ARIH1: variants seen among roughly 807,000 people sequenced by gnomAD.
ARIH1 encodes the protein E3 ubiquitin-protein ligase ARIH1.
ARIH1 carries 8 observed loss-of-function variants against 85.0 expected under a neutral mutation model. The ratio of observed to expected loss-of-function variants is 0.09; its 90% CI spans 0.06 to 0.17. The LOEUF (loss-of-function observed/expected upper bound fraction) is 0.17. Among genes scored for constraint, ARIH1 ranks in the 10% least tolerant of loss-of-function variants. The probability of loss-of-function intolerance (pLI) is 1.00; values close to 1 mark genes in which losing one functional copy is unlikely to be tolerated. For synonymous variants in ARIH1, 238 were observed against 253.6 expected (o/e 0.94, Z 0.59); for missense variants, 311 against 718.1 (o/e 0.43, Z 6.48).
chr15:72,575,911 A>G (rs966721596), intron 11 of ARIH1, among the ~76,000 whole-genome samples: 3 of 152,118 alleles, frequency 2.0e-5, no homozygotes, highest in African/African-American at 4.8e-5. Context: ...TGGCATGATC[A>G]TAGCTCACTG....
rs1029168941 is a variant in ARIH1 at position 72,542,131 on chromosome 15, A to G, written c.444-2689A>G. On this transcript the variant is annotated intron_variant, in intron 2 of 13. Transcript: ENST00000379887. Reference sequence around the variant, plus strand: ...CTCCTTATTACGCAAAAATAAATCAACAGTTTTAATGGAAACAATTTAAAG... The same window carrying G: ...CTCCTTATTACGCAAAAATAAATCAGCAGTTTTAATGGAAACAATTTAAAG... 3.3e-5 allele frequency among the ~76,000 whole-genome samples: 5 copies of G among 152,234 alleles called. 1 individual carries two copies. The South Asian group carries it at 6.2e-4, about 19-fold the overall frequency.
rs2064197294 is a variant in ARIH1, at chr15:72,561,472, C to G, written c.738-11C>G. On this transcript the variant is annotated splice_polypyrimidine_tract_variant and intron_variant, in intron 5 of 13. Coordinates refer to ENST00000379887, the MANE Select transcript of ARIH1 (RefSeq NM_005744.5). ...GGAAACTTTCTAATCTATTTTTATT[C>G]TTGGTTTCAGGCGCCTGATCACAGA... 1.3e-6 allele frequency: 2 copies of G among 1,567,660 alleles called. No individual in the cohort carries two copies. The highest frequency in any genetic ancestry group is 2.7e-5 in the African/African-American group (2 of 73,190).
At chr15:72,487,707 A>C (rs1313919139) in intron 1 of ARIH1, among the ~76,000 whole-genome samples, 1 of 151,926 alleles carries the variant, frequency 6.6e-6, no homozygotes, top group South Asian at 2.1e-4. Context: ...CCTTTTTACT[A>C]ACTAATCCTA....
Position 72,592,011 on chromosome 15 carries a change from G to A in ARIH1, c.*8719G>A, listed in dbSNP as rs563824610. On this transcript the variant is annotated 3_prime_UTR_variant, in exon 14 of 14. Transcript: ENST00000379887. ...AGTACTAATTTGGAGTGTTGTAAAGGTCAGGGCAGCAAATGCTAGAGAGTG... is the reference window on the plus strand; with the variant it reads ...AGTACTAATTTGGAGTGTTGTAAAGATCAGGGCAGCAAATGCTAGAGAGTG... The A allele has an allele frequency of 4.6e-5, 7 of 152,334 alleles. No homozygotes were observed. The South Asian group carries it at 1.2e-3, about 27-fold the overall frequency. 9.4% of individuals were successfully genotyped at this position (152,334 alleles called of 1,614,324 possible).
intron 5 of ARIH1, among the ~76,000 whole-genome samples, chr15:72,559,273 T>G (rs2064187686): frequency 6.6e-6 from 1 of 152,114 alleles, no homozygotes; most frequent in Admixed American, 6.5e-5. Context: ...TTTTTTTGTT[T>G]TTTGTTTTTT....
intron 1 of ARIH1, among the ~76,000 whole-genome samples, chr15:72,496,335 G>A (rs986246135): frequency 6.6e-6 from 1 of 152,182 alleles, no homozygotes; most frequent in African/African-American, 2.4e-5. Context: ...ATAAAGGCAG[G>A]AATGTAGAAT....
At chr15:72,504,823 A>G (rs1351038881) in intron 1 of ARIH1, among the ~76,000 whole-genome samples, 1 of 152,158 alleles carries the variant, frequency 6.6e-6, no homozygotes, top group Non-Finnish European at 1.5e-5. Flanking sequence ...TCCTGCCTCT[A>G]TCATTGAACT....
rs2063787081 is a variant in ARIH1 at position 72,474,824 on chromosome 15, T to A, written c.185T>A (p.Leu62Gln). The change falls in exon 1 of 14, where the codon CTG becomes CAG. Residue 62 changes from leucine (L) to glutamine (Q), a missense_variant. Transcript: ENST00000379887. ...GTCGGCGGGGAGCGGGACGGACTGC[T>A]GTGCGGGGAGACGGGCGGTGGCGGC... ...LGVGGERDGL[L>Q]CGETGGGGGS... 1.4e-6 allele frequency: 2 copies of A among 1,423,174 alleles called. No homozygotes were observed. The highest frequency in any genetic ancestry group is 3.5e-5 in the South Asian group (2 of 56,538). The allele number at this position is 1,423,174 out of a possible 1,614,324, so 88.2% of individuals were successfully genotyped here.
intron 1 of ARIH1, among the ~76,000 whole-genome samples, chr15:72,475,810 T>C (rs1015558908): frequency 6.6e-6 from 1 of 152,228 alleles, no homozygotes; most frequent in African/African-American, 2.4e-5. Context: ...GGTTTTCTGC[T>C]TGTGAACTCC....
chr15:72,514,028 T>TG (rs1349114507), intron 1 of ARIH1, among the ~76,000 whole-genome samples: 1 of 150,680 alleles, frequency 6.6e-6, no homozygotes, highest in Non-Finnish European at 1.5e-5. Flanking sequence ...TTTGTAGAGA[T>TG]GGGGTCTCAC....
At chr15:72,519,834 A>G (rs960622333) in intron 2 of ARIH1, among the ~76,000 whole-genome samples, 2 of 151,962 alleles carry the variant, frequency 1.3e-5, no homozygotes, top group Non-Finnish European at 2.9e-5. Flanking sequence ...GGTAACATTT[A>G]CTTTCAGGTT....
intron 6 of ARIH1, among the ~76,000 whole-genome samples, chr15:72,562,376 A>G (rs1023854413): frequency 6.6e-6 from 1 of 152,224 alleles, no homozygotes; most frequent in African/African-American, 2.4e-5. Flanking sequence ...CAGCCCCTGT[A>G]TGACAACATC....
At chr15:72,537,828 C>T (rs1435175329) in intron 2 of ARIH1, among the ~76,000 whole-genome samples, 2 of 152,046 alleles carry the variant, frequency 1.3e-5, no homozygotes, top group East Asian at 3.8e-4. Context: ...AATCCGATAC[C>T]CATAAACTGC....
chr15:72,549,088 C>CTCT (rs2064141958), intron 3 of ARIH1, among the ~76,000 whole-genome samples: 1 of 139,338 alleles, frequency 7.2e-6, no homozygotes, highest in African/African-American at 2.7e-5. Context: ...CTCTCTCTCT[C>CTCT]TTTTTTTTTT....
intron 3 of ARIH1, among the ~76,000 whole-genome samples, chr15:72,549,695 A>T (rs1396923032): frequency 6.6e-6 from 1 of 152,074 alleles, no homozygotes; most frequent in Non-Finnish European, 1.5e-5. Flanking sequence ...TGGAAGAAAG[A>T]TTCTTAATTT....
At chr15:72,576,682 GTAA>G (rs2064272912) in intron 11 of ARIH1, among the ~76,000 whole-genome samples, 1 of 151,874 alleles carries the variant, frequency 6.6e-6, no homozygotes, top group Admixed American at 6.6e-5. Flanking sequence ...ATATTATAAT[GTAA>G]TAATACAAAA....
intron 1 of ARIH1, among the ~76,000 whole-genome samples, chr15:72,507,303 C>T (rs1390718688): frequency 1.3e-5 from 2 of 152,168 alleles, no homozygotes; most frequent in Non-Finnish European, 2.9e-5. Flanking sequence ...GGATTACAGG[C>T]GTGAGCCACC....
At chr15:72,506,738 C>G (rs1271476585) in intron 1 of ARIH1, among the ~76,000 whole-genome samples, 1 of 151,990 alleles carries the variant, frequency 6.6e-6, no homozygotes, top group African/African-American at 2.4e-5. Context: ...TAAGGTGGTG[C>G]CTCTAACCTG....
At chr15:72,505,402 T>C (rs574556771) in intron 1 of ARIH1, among the ~76,000 whole-genome samples, 4 of 152,306 alleles carry the variant, frequency 2.6e-5, no homozygotes, top group African/African-American at 9.6e-5. Flanking sequence ...TTTTTTTCGC[T>C]CAGTGGTATC....
Sources: allele counts gnomAD v4.1 joint callset (sites outside exome capture counted in the v4.1 genomes callset), GRCh38; gene constraint gnomAD v4.1.1; transcripts MANE v1.5; gene names NCBI Gene and HGNC (gene_info 2026-07-23, HGNC 2026-07-21).